The following PDGFD variants were observed in gnomAD, a reference collection of about 807,000 sequenced individuals.
PDGFD encodes platelet derived growth factor D.
A neutral mutation model predicts 44.7 loss-of-function variants in PDGFD; 30 were observed. The ratio of observed to expected loss-of-function variants is 0.67; its 90% CI spans 0.50 to 0.91. The LOEUF (loss-of-function observed/expected upper bound fraction) is 0.91, where lower values mean the gene tolerates loss of function less well. Ranked by LOEUF, PDGFD falls within the 40% of genes least tolerant of loss-of-function variation. The pLI, the probability that PDGFD is intolerant of heterozygous loss-of-function variation, is 0.00. For missense variants in PDGFD, 445 were observed against 457.8 expected, an observed-to-expected ratio of 0.97 and a Z score of 0.25; for synonymous variants, 173 against 168.4, an observed-to-expected ratio of 1.03 and a Z score of -0.21.
At chr11:104,122,717 CA>C in intron 1 of PDGFD, among the ~76,000 whole-genome samples, 1 of 90,246 alleles carries the variant, frequency 1.1e-5, no homozygotes, top group South Asian at 2.9e-4. Flanking sequence ...ATAATACAAA[CA>C]ATTTTTTTTT....
chr11:104,047,858 C>T (rs986359017), intron 1 of PDGFD, among the ~76,000 whole-genome samples: 2 of 151,968 alleles, frequency 1.3e-5, no homozygotes, highest in Non-Finnish European at 2.9e-5. Context: ...AGTCGAGCCA[C>T]CATGGAGAAT....
chr11:103,917,108 G>A (rs1383501500), intron 6 of PDGFD, among the ~76,000 whole-genome samples: 2 of 151,130 alleles, frequency 1.3e-5, no homozygotes, highest in Non-Finnish European at 2.9e-5. Flanking sequence ...ACAACATGTT[G>A]CCCTGATGAA....
intron 3 of PDGFD, among the ~76,000 whole-genome samples, chr11:103,976,715 C>T (rs1859190821): frequency 6.6e-6 from 1 of 151,946 alleles, no homozygotes; most frequent in African/African-American, 2.4e-5. Flanking sequence ...AATAGTTTAT[C>T]TCAATAAACT....
intron 1 of PDGFD, among the ~76,000 whole-genome samples, chr11:104,032,562 GAC>G (rs1270695909): frequency 2.0e-5 from 3 of 151,704 alleles, no homozygotes; most frequent in African/African-American, 7.3e-5. Flanking sequence ...TCACTAAAAA[GAC>G]AATTATTTTG....
chr11:104,116,842 G>A (rs1232594909), intron 1 of PDGFD, among the ~76,000 whole-genome samples: 1 of 151,870 alleles, frequency 6.6e-6, no homozygotes, highest in Non-Finnish European at 1.5e-5. Flanking sequence ...GGTTTATCAG[G>A]GGTTTCTGCT....
intron 1 of PDGFD, among the ~76,000 whole-genome samples, chr11:104,122,719 A>AT (rs11316424): frequency 5.3e-5 from 6 of 112,256 alleles, no homozygotes; most frequent in Non-Finnish European, 1.2e-4. Flanking sequence ...AATACAAACA[A>AT]TTTTTTTTTA....
At chr11:103,929,670 T>C (rs1045312559) in intron 5 of PDGFD, among the ~76,000 whole-genome samples, 4 of 152,208 alleles carry the variant, frequency 2.6e-5, no homozygotes, top group African/African-American at 7.2e-5. Context: ...TATCAGGCGA[T>C]TGAAATCACC....
chr11:104,092,775 C>G (rs1443197701), intron 1 of PDGFD, among the ~76,000 whole-genome samples: 1 of 152,130 alleles, frequency 6.6e-6, no homozygotes, highest in African/African-American at 2.4e-5. Flanking sequence ...GATGGACTTA[C>G]ATAAACAGAA....
chr11:103,993,837 A>G (rs902362315), intron 3 of PDGFD, among the ~76,000 whole-genome samples: 7 of 152,208 alleles, frequency 4.6e-5, no homozygotes, highest in Admixed American at 2.6e-4. Context: ...GAAGCCTATT[A>G]GGAGGCAAAA....
intron 1 of PDGFD, among the ~76,000 whole-genome samples, chr11:104,026,555 T>C (rs1368870925): frequency 1.3e-5 from 2 of 152,192 alleles, no homozygotes; most frequent in Non-Finnish European, 2.9e-5. Flanking sequence ...AATTCACCTG[T>C]TATCCCATGA....
At chr11:104,100,342 G>A (rs968075904) in intron 1 of PDGFD, among the ~76,000 whole-genome samples, 18 of 152,170 alleles carry the variant, frequency 1.2e-4, no homozygotes, top group African/African-American at 3.6e-4. Flanking sequence ...ACACGTCTAC[G>A]CAAATAAACT....
intron 1 of PDGFD, among the ~76,000 whole-genome samples, chr11:104,001,293 T>G (rs1859615874): frequency 6.6e-6 from 1 of 152,242 alleles, no homozygotes; most frequent in South Asian, 2.1e-4. Context: ...CAGGCTGATG[T>G]GTCCCGAGGA....
intron 3 of PDGFD, among the ~76,000 whole-genome samples, chr11:103,986,012 G>C (rs1352743267): frequency 2.0e-5 from 3 of 152,118 alleles, no homozygotes; most frequent in Non-Finnish European, 2.9e-5. Context: ...TGCCTGTCTG[G>C]CTCCAATTTT....
Position 103,909,685 on chromosome 11 carries a change from C to T in PDGFD, c.*9G>A, listed in dbSNP as rs780850372. On this transcript the variant is annotated 3_prime_UTR_variant, in exon 7 of 7. Coordinates refer to ENST00000393158, the MANE Select transcript of PDGFD (RefSeq NM_025208.5). The stretch of plus-strand genomic sequence containing the variant: ...CTTTCAGGCTTAATGTAAGGATGTG[C>T]ACATTCTCTTATCGAGGTGGTCTTG... 2 of 1,614,020 alleles carry T rather than the reference C, an allele frequency of 1.2e-6. No individual in the cohort carries two copies. The highest frequency in any genetic ancestry group is 1.7e-6 in the Non-Finnish European group (2 of 1,179,898).
At chr11:104,061,813 G>A (rs1860721791) in intron 1 of PDGFD, among the ~76,000 whole-genome samples, 1 of 152,034 alleles carries the variant, frequency 6.6e-6, no homozygotes. Flanking sequence ...TGGCCATGTT[G>A]GCTAAGCTGG....
At chr11:104,141,616 A>T (rs1465391421) in intron 1 of PDGFD, among the ~76,000 whole-genome samples, 1 of 152,152 alleles carries the variant, frequency 6.6e-6, no homozygotes, top group Non-Finnish European at 1.5e-5. Context: ...AATGTGGCTG[A>T]GTTCAAGGTC....
intron 3 of PDGFD, among the ~76,000 whole-genome samples, chr11:103,982,851 C>A (rs1232580431): frequency 1.3e-5 from 2 of 151,228 alleles, no homozygotes; most frequent in Non-Finnish European, 3.0e-5. Context: ...CTTAGCAATA[C>A]AACTAAGTGG....
At chr11:104,158,982 G>A (rs991348104) in intron 1 of PDGFD, among the ~76,000 whole-genome samples, 1 of 151,026 alleles carries the variant, frequency 6.6e-6, no homozygotes, top group African/African-American at 2.4e-5. Flanking sequence ...GTGAAACCCC[G>A]TCTCCACTAA....
intron 1 of PDGFD, among the ~76,000 whole-genome samples, chr11:104,048,331 CTAGA>C (rs571971685): frequency 1.1e-3 from 169 of 151,770 alleles, no homozygotes; most frequent in Non-Finnish European, 1.8e-3. Context: ...ATAGAAGCAA[CTAGA>C]TAGAGCGAAA....
Sources: allele counts gnomAD v4.1 joint callset (sites outside exome capture counted in the v4.1 genomes callset), GRCh38; gene constraint gnomAD v4.1.1; transcripts MANE v1.5; gene names NCBI Gene and HGNC (gene_info 2026-07-23, HGNC 2026-07-21).